The following CACNA2D3 variants were observed in gnomAD, a reference collection of about 807,000 sequenced individuals.
The protein encoded by CACNA2D3 is calcium voltage-gated channel auxiliary subunit alpha2delta 3.
A neutral mutation model predicts 160.6 loss-of-function variants in CACNA2D3; 60 were observed. That is an observed-to-expected ratio of 0.37 (90% confidence interval 0.30 to 0.46). The LOEUF (loss-of-function observed/expected upper bound fraction) is 0.46, where lower values mean the gene tolerates loss of function less well. Among genes scored for constraint, CACNA2D3 ranks in the 20% least tolerant of loss-of-function variants. CACNA2D3 has a pLI of 1.00. For missense variants in CACNA2D3, 1,205 were observed against 1,365.0 expected, an observed-to-expected ratio of 0.88 and a Z score of 1.85; for synonymous variants, 558 against 492.9, an observed-to-expected ratio of 1.13 and a Z score of -1.75.
At chr3:54,635,888 T>C (rs1296814282) in intron 10 of CACNA2D3, among the ~76,000 whole-genome samples, 1 of 151,994 alleles carries the variant, frequency 6.6e-6, no homozygotes, top group Non-Finnish European at 1.5e-5. Flanking sequence ...AAGAAATGAC[T>C]GGTGGCCTTC....
intron 11 of CACNA2D3, among the ~76,000 whole-genome samples, chr3:54,677,077 C>G (rs1700256602): frequency 6.6e-6 from 1 of 152,180 alleles, no homozygotes; most frequent in South Asian, 2.1e-4. Flanking sequence ...GCACAATCTC[C>G]TAGTGTTTAA....
intron 11 of CACNA2D3, among the ~76,000 whole-genome samples, chr3:54,650,712 G>A (rs1699748234): frequency 1.3e-5 from 2 of 152,094 alleles, no homozygotes; most frequent in African/African-American, 4.8e-5. Context: ...TGTTGGCCAG[G>A]CTGGTTTCGA....
chr3:54,149,932 C>CTCTCTCTCCCTCCCTCT (rs1559863353), intron 2 of CACNA2D3, among the ~76,000 whole-genome samples: 2 of 23,838 alleles, frequency 8.4e-5, no homozygotes. Context: ...TCTCTCTCTC[C>CTCTCTCTCCCTCCCTCT]CTCCCTCCCT....
intron 11 of CACNA2D3, among the ~76,000 whole-genome samples, chr3:54,685,991 T>C (rs7641640): frequency 0.26 from 39,372 of 152,204 alleles, 5,491 homozygotes; most frequent in African/African-American, 0.3. Flanking sequence ...TCAGTAGGTG[T>C]TTGCTGCATT....
intron 2 of CACNA2D3, among the ~76,000 whole-genome samples, chr3:54,199,780 G>A (rs891482866): frequency 4.6e-5 from 7 of 152,104 alleles, no homozygotes; most frequent in African/African-American, 1.7e-4. Flanking sequence ...AGATTTTATG[G>A]CAAATTATGT....
chr3:54,381,021 G>T (rs927821802), intron 3 of CACNA2D3, among the ~76,000 whole-genome samples: 1 of 152,046 alleles, frequency 6.6e-6, no homozygotes, highest in Non-Finnish European at 1.5e-5. Flanking sequence ...ATTTGAGAAA[G>T]AATTATGTAT....
chr3:54,550,050 C>T (rs1398898449), intron 5 of CACNA2D3, among the ~76,000 whole-genome samples: 1 of 152,232 alleles, frequency 6.6e-6, no homozygotes, highest in African/African-American at 2.4e-5. Flanking sequence ...GACTTGTCAT[C>T]TATCAGTTCT....
intron 9 of CACNA2D3, among the ~76,000 whole-genome samples, chr3:54,608,232 T>A (rs1473025518): frequency 6.6e-6 from 1 of 152,224 alleles, no homozygotes; most frequent in Non-Finnish European, 1.5e-5. Context: ...TGGGTTTGAA[T>A]ATTATACTAC....
At chr3:54,305,744 C>G (rs1248343575) in intron 2 of CACNA2D3, among the ~76,000 whole-genome samples, 3 of 152,184 alleles carry the variant, frequency 2.0e-5, no homozygotes, top group Admixed American at 1.3e-4. Flanking sequence ...ATTCAGGAGA[C>G]TATAAATATA....
At chr3:54,487,116 C>T (rs1701027481) in intron 4 of CACNA2D3, among the ~76,000 whole-genome samples, 1 of 152,162 alleles carries the variant, frequency 6.6e-6, no homozygotes, top group Non-Finnish European at 1.5e-5. Context: ...AAAGGCAGTC[C>T]TGCACTTTGA....
chr3:54,201,975 T>G (rs1470401753), intron 2 of CACNA2D3, among the ~76,000 whole-genome samples: 1 of 152,204 alleles, frequency 6.6e-6, no homozygotes. Context: ...TTAAAGAAAT[T>G]AAACTATGGG....
intron 32 of CACNA2D3, among the ~76,000 whole-genome samples, chr3:55,005,864 C>A (rs1456099891): frequency 1.3e-5 from 2 of 152,090 alleles, no homozygotes; most frequent in Non-Finnish European, 1.5e-5. Context: ...CAAAAATTAA[C>A]CTAAAATTTT....
At chr3:55,034,761 A>G (rs1703775439) in intron 35 of CACNA2D3, among the ~76,000 whole-genome samples, 1 of 152,170 alleles carries the variant, frequency 6.6e-6, no homozygotes, top group African/African-American at 2.4e-5. Flanking sequence ...TTAAAAAACT[A>G]ACCACACAGT....
intron 13 of CACNA2D3, among the ~76,000 whole-genome samples, chr3:54,788,698 A>C (rs1702688552): frequency 6.6e-6 from 1 of 152,090 alleles, no homozygotes; most frequent in African/African-American, 2.4e-5. Context: ...CCCTTATATA[A>C]ATCACTTCCT....
At chr3:54,846,275 A>G (rs960795930) in intron 16 of CACNA2D3, 118 bp from the exon 17 acceptor site, 21 of 596,408 alleles carry the variant, frequency 3.5e-5, no homozygotes, top group Non-Finnish European at 5.4e-5. Context: ...TATTGTGCTG[A>G]TAAGGGTTAT....
At chr3:54,132,566 G>A (rs1295402104) in intron 2 of CACNA2D3, among the ~76,000 whole-genome samples, 2 of 152,152 alleles carry the variant, frequency 1.3e-5, no homozygotes, top group Non-Finnish European at 2.9e-5. Flanking sequence ...TTCCTGGAAC[G>A]GGAATTTCAG....
intron 11 of CACNA2D3, among the ~76,000 whole-genome samples, chr3:54,716,996 C>T (rs1410846945): frequency 6.6e-6 from 1 of 151,724 alleles, no homozygotes; most frequent in African/African-American, 2.4e-5. Flanking sequence ...CCTCCTTCAT[C>T]ATGCCTCCTT....
intron 35 of CACNA2D3, among the ~76,000 whole-genome samples, chr3:55,028,033 T>C (rs1286957561): frequency 6.6e-6 from 1 of 152,222 alleles, no homozygotes; most frequent in Non-Finnish European, 1.5e-5. Context: ...CAGGTGGTTC[T>C]ACCCATATAG....
chr3:54,681,557 A>AT (rs936488230), intron 11 of CACNA2D3, among the ~76,000 whole-genome samples: 3 of 139,122 alleles, frequency 2.2e-5, no homozygotes, highest in African/African-American at 8.3e-5. Context: ...ACTCCATCTC[A>AT]AAAAAAAAAA....
Sources: allele counts gnomAD v4.1 joint callset (sites outside exome capture counted in the v4.1 genomes callset), GRCh38; gene constraint gnomAD v4.1.1; transcripts MANE v1.5; gene names NCBI Gene and HGNC (gene_info 2026-07-23, HGNC 2026-07-21).